Variants in CMPK1 observed in about 807,000 individuals in gnomAD.
CMPK1 encodes the protein cytidine/uridine monophosphate kinase 1, also known as UMP-CMP kinase.
In CMPK1, 10 loss-of-function variants were observed where a neutral mutation model predicts 25.7. The ratio of observed to expected loss-of-function variants is 0.39; its 90% CI spans 0.24 to 0.66. The LOEUF (loss-of-function observed/expected upper bound fraction) is 0.66. CMPK1 is among the 30% of genes least tolerant of loss of function. CMPK1 has a pLI of 0.48. For synonymous variants in CMPK1, 106 were observed against 101.5 expected (o/e 1.04, Z -0.27); for missense variants, 199 against 280.5 (o/e 0.71, Z 2.08).
intron 1 of CMPK1, among the ~76,000 whole-genome samples, chr1:47,356,569 A>G (rs970254622): frequency 3.3e-5 from 5 of 151,246 alleles, no homozygotes; most frequent in African/African-American, 1.2e-4. Context: ...ATGCCAATCA[A>G]AGTTTGCTTA....
chr1:47,359,238 A>G lies in CMPK1; in HGVS notation c.172-9231A>G, dbSNP rs1219190367. The stretch of plus-strand genomic sequence containing the variant: ...AGGCTGAGGCAGGAGAATGGCGTGA[A>G]CCTGGGAGGCAGAGCTTGCAGTGAG... On this transcript the variant is annotated intron_variant, in intron 1 of 5. Coordinates refer to ENST00000371873, the MANE Select transcript of CMPK1 (RefSeq NM_016308.3). Among the ~76,000 whole-genome samples the G allele has an allele frequency of 2.6e-5, 4 of 151,868 alleles. No individual in the cohort carries two copies. In the East Asian group the frequency reaches 7.8e-4, roughly 30 times the overall value.
At chr1:47,364,718 A>G (rs1646627230) in intron 1 of CMPK1, among the ~76,000 whole-genome samples, 1 of 148,614 alleles carries the variant, frequency 6.7e-6, no homozygotes, top group Admixed American at 6.8e-5. Flanking sequence ...ATTGTATAAT[A>G]TATAATATAT....
intron 1 of CMPK1, chr1:47,359,017 T>C: frequency 1.1e-6 from 1 of 923,498 alleles, no homozygotes; most frequent in South Asian, 5.0e-5. Context: ...TTTACCTTTT[T>C]ATAATAAGAA....
At chr1:47,355,822 G>T (rs1292330309) in intron 1 of CMPK1, among the ~76,000 whole-genome samples, 1 of 151,750 alleles carries the variant, frequency 6.6e-6, no homozygotes, top group Non-Finnish European at 1.5e-5. Flanking sequence ...GGCCAGGCTG[G>T]TCTTGAATTT....
intron 1 of CMPK1, among the ~76,000 whole-genome samples, chr1:47,345,227 C>T (rs550790625): frequency 6.6e-6 from 1 of 151,982 alleles, no homozygotes; most frequent in Non-Finnish European, 1.5e-5. Flanking sequence ...CTTCATTCTA[C>T]TACATGGTTT....
In CMPK1 at chr1:47,378,177, C is replaced by T. The variant is rs1055935390; in HGVS notation, c.*1432C>T. ...ATTTATTTCTATGTGTTATGAAATT[C>T]ACTTAATGATAAATTTTTCAACATA... On this transcript the variant is annotated 3_prime_UTR_variant, in exon 6 of 6. Coordinates refer to ENST00000371873, the MANE Select transcript of CMPK1 (RefSeq NM_016308.3). 1 of 152,082 alleles carries T rather than the reference C, an allele frequency of 6.6e-6. No homozygotes were observed. The highest frequency in any genetic ancestry group is 1.5e-5 in the Non-Finnish European group (1 of 68,010). The allele number at this position is 152,082 out of a possible 1,614,324, so 9.4% of individuals were successfully genotyped here.
At chr1:47,336,108 G>A (rs1023622739) in intron 1 of CMPK1, among the ~76,000 whole-genome samples, 11 of 151,738 alleles carry the variant, frequency 7.2e-5, no homozygotes, top group African/African-American at 2.2e-4. Context: ...CTGCACTCCA[G>A]CCTGGGCGAC....
chr1:47,364,287 A>AT (rs1646623767), intron 1 of CMPK1, among the ~76,000 whole-genome samples: 1 of 151,856 alleles, frequency 6.6e-6, no homozygotes. Flanking sequence ...TTATATATAT[A>AT]TTTTTTGTTT....
chr1:47,355,064 T>G (rs1646550038), intron 1 of CMPK1, among the ~76,000 whole-genome samples: 2 of 152,130 alleles, frequency 1.3e-5, no homozygotes, highest in Non-Finnish European at 2.9e-5. Context: ...TTGTCTTTTT[T>G]TTTTGAGATG....
chr1:47,365,241 C>T (rs1381192298), intron 1 of CMPK1, among the ~76,000 whole-genome samples: 1 of 150,982 alleles, frequency 6.6e-6, no homozygotes, highest in Non-Finnish European at 1.5e-5. Flanking sequence ...CAAAGACTTG[C>T]CATTTGTGCA....
chr1:47,375,601 A>G (rs759311965), intron 5 of CMPK1, among the ~76,000 whole-genome samples: 1 of 152,178 alleles, frequency 6.6e-6, no homozygotes, highest in Non-Finnish European at 1.5e-5. Flanking sequence ...GTTCTTCATG[A>G]GAAATGGGTG....
In CMPK1 at chr1:47,358,586, A is replaced by C. The variant is rs369478825; in HGVS notation, c.172-9883A>C. On this transcript the variant is annotated intron_variant, in intron 1 of 5. Transcript: ENST00000371873. ...CTAAGAAAGATTAAACAAATTACCC[A>C]CTGTCACACTGGGTTGTGACAGAGT... 7.0e-6 allele frequency: 7 copies of C among 995,128 alleles called. No homozygotes were observed. The South Asian group carries it at 1.2e-4, about 18-fold the overall frequency. 61.6% of individuals were successfully genotyped at this position (995,128 alleles called of 1,614,324 possible). A position where few individuals can be genotyped will look rare whatever the true frequency, so the allele number is the denominator to read the frequency against.
At chr1:47,371,263 C>G (rs1041581862) in intron 2 of CMPK1, among the ~76,000 whole-genome samples, 1 of 152,068 alleles carries the variant, frequency 6.6e-6, no homozygotes, top group Non-Finnish European at 1.5e-5. Context: ...CCAAAATAAA[C>G]AAATCTCTCT....
At chr1:47,364,591 A>G (rs962427088) in intron 1 of CMPK1, among the ~76,000 whole-genome samples, 1 of 150,828 alleles carries the variant, frequency 6.6e-6, no homozygotes, top group African/African-American at 2.4e-5. Context: ...TGCTGGGATT[A>G]TAGGTGTGAG....
chr1:47,358,330 C>A, intron 1 of CMPK1: 1 of 825,874 alleles, frequency 1.2e-6, no homozygotes, highest in Non-Finnish European at 1.8e-6. Flanking sequence ...ATAGGCTGAT[C>A]TCAAACTCCT....
chr1:47,356,987 C>G (rs2820990), intron 1 of CMPK1, among the ~76,000 whole-genome samples: 142,557 of 146,294 alleles, frequency 0.97, 69,540 homozygotes, highest in East Asian at 1. Flanking sequence ...TTTTTGAGAC[C>G]GAGTCTTGCC....
At chr1:47,352,525 G>A (rs1646529817) in intron 1 of CMPK1, among the ~76,000 whole-genome samples, 1 of 120,658 alleles carries the variant, frequency 8.3e-6, no homozygotes, top group Non-Finnish European at 2.0e-5. Context: ...AGGTGGGGAG[G>A]GATAGGGGGT....
At chr1:47,357,788 T>C (rs1019991692) in intron 1 of CMPK1, among the ~76,000 whole-genome samples, 4 of 151,998 alleles carry the variant, frequency 2.6e-5, no homozygotes, top group African/African-American at 7.2e-5. Context: ...CCGGCCAATC[T>C]GTTGTTTTTT....
chr1:47,364,236 C>T (rs1005902575), intron 1 of CMPK1, among the ~76,000 whole-genome samples: 11 of 152,074 alleles, frequency 7.2e-5, no homozygotes, highest in Non-Finnish European at 1.2e-4. Context: ...CCTTAGTCTT[C>T]GATGCTTCAT....
Sources: gnomAD v4.1 joint callset for allele counts (sites outside exome capture counted in the v4.1 genomes callset) on GRCh38, gnomAD v4.1.1 for gene constraint, MANE v1.5 for transcripts, NCBI Gene and HGNC (gene_info 2026-07-23, HGNC 2026-07-21) for gene names.